Variants in NKAIN2 observed in about 807,000 individuals in gnomAD.
NKAIN2 encodes sodium/potassium transporting ATPase interacting 2, also known as sodium/potassium-transporting ATPase subunit beta-1-interacting protein 2.
In NKAIN2, 14 loss-of-function variants were observed where a neutral mutation model predicts 32.6. The ratio of observed to expected loss-of-function variants is 0.43; its 90% confidence interval spans 0.28 to 0.67. NKAIN2 has a LOEUF of 0.67. Among genes scored for constraint, NKAIN2 ranks in the 30% least tolerant of loss-of-function variants. NKAIN2 has a pLI of 0.17. For missense variants in NKAIN2, 198 were observed against 258.3 expected (o/e 0.77, Z 1.60); for synonymous variants, 80 against 87.2 (o/e 0.92, Z 0.46).
chr6:124,575,762 CT>C (rs1781308448), intron 3 of NKAIN2, among the ~76,000 whole-genome samples: 1 of 152,146 alleles, frequency 6.6e-6, no homozygotes, highest in Non-Finnish European at 1.5e-5. Flanking sequence ...GTTTTGAAAG[CT>C]AGTACTGCTT....
Position 124,341,791 on chromosome 6 carries a change from T to A in NKAIN2, c.193-13476T>A, listed in dbSNP as rs1422319838. On this transcript the variant is annotated intron_variant, in intron 2 of 6. Transcript: ENST00000368417. Reference sequence around the variant, plus strand: ...TAGTGTGTTTTTATGTAGGTGTTTTTCTTAAGGGACAGGTTTATATAGGTT... The same window carrying A: ...TAGTGTGTTTTTATGTAGGTGTTTTACTTAAGGGACAGGTTTATATAGGTT... 2.0e-5 allele frequency among the ~76,000 whole-genome samples: 3 copies of A among 152,200 alleles called. No individual in the cohort carries two copies. In the East Asian group the frequency reaches 5.8e-4, roughly 29 times the overall value.
intron 1 of NKAIN2, among the ~76,000 whole-genome samples, chr6:124,064,784 A>C (rs1368731741): frequency 6.6e-6 from 1 of 152,090 alleles, no homozygotes; most frequent in Non-Finnish European, 1.5e-5. Flanking sequence ...CTAGGAAGAA[A>C]AATACTCTTT....
intron 1 of NKAIN2, chr6:124,121,877 G>T: frequency 8.3e-7 from 1 of 1,204,370 alleles, no homozygotes; most frequent in Non-Finnish European, 1.1e-6. Context: ...TATATTTACA[G>T]GTACTGAAGA....
At chr6:124,187,560 A>G (rs151109835) in intron 1 of NKAIN2, among the ~76,000 whole-genome samples, 24 of 152,274 alleles carry the variant, frequency 1.6e-4, no homozygotes, top group African/African-American at 5.5e-4. Flanking sequence ...AGAATTTCCG[A>G]AGGTAGGGCA....
intron 4 of NKAIN2, among the ~76,000 whole-genome samples, chr6:124,788,437 A>T (rs1042308248): frequency 6.6e-5 from 10 of 152,116 alleles, no homozygotes; most frequent in Non-Finnish European, 1.3e-4. Context: ...CTGCTAATAA[A>T]GACATACCCG....
intron 3 of NKAIN2, among the ~76,000 whole-genome samples, chr6:124,401,718 G>A (rs1034715533): frequency 1.3e-5 from 2 of 151,900 alleles, no homozygotes; most frequent in South Asian, 4.2e-4. Flanking sequence ...TGGCCATTTG[G>A]ATATCTTCAT....
At chr6:124,367,076 C>T (rs1350657909) in intron 3 of NKAIN2, among the ~76,000 whole-genome samples, 2 of 152,064 alleles carry the variant, frequency 1.3e-5, no homozygotes, top group Non-Finnish European at 1.5e-5. Flanking sequence ...TGCTAAAAGA[C>T]CACACATCAT....
At chr6:124,438,910 G>T (rs915132433) in intron 3 of NKAIN2, among the ~76,000 whole-genome samples, 3 of 152,056 alleles carry the variant, frequency 2.0e-5, no homozygotes, top group African/African-American at 7.2e-5. Context: ...CGACCCAGCT[G>T]CTAAATCGTG....
At chr6:124,786,039 A>G (rs1287463902) in intron 4 of NKAIN2, among the ~76,000 whole-genome samples, 1 of 152,068 alleles carries the variant, frequency 6.6e-6, no homozygotes, top group South Asian at 2.1e-4. Flanking sequence ...ACAAAGAGGT[A>G]CTATCACTGT....
At chr6:123,823,262 A>C (rs1774000346) in intron 1 of NKAIN2, 1 of 152,220 alleles carries the variant, frequency 6.6e-6, no homozygotes, top group Non-Finnish European at 1.5e-5. Flanking sequence ...GGAGACAAAG[A>C]ATTGGAAACT....
At chr6:123,819,067 T>A (rs759689516) in intron 1 of NKAIN2, among the ~76,000 whole-genome samples, 3 of 152,156 alleles carry the variant, frequency 2.0e-5, no homozygotes, top group Non-Finnish European at 4.4e-5. Flanking sequence ...GGTGTTAACT[T>A]CGTCAGGTGT....
chr6:124,603,952 C>T (rs1782404107), intron 3 of NKAIN2, among the ~76,000 whole-genome samples: 1 of 152,050 alleles, frequency 6.6e-6, no homozygotes, highest in Non-Finnish European at 1.5e-5. Flanking sequence ...CTTCTCAAGA[C>T]TGTCTCAGCT....
intron 1 of NKAIN2, among the ~76,000 whole-genome samples, chr6:124,162,251 A>G (rs11963390): frequency 5.3e-5 from 8 of 152,048 alleles, no homozygotes; most frequent in African/African-American, 1.9e-4. Context: ...ACCAACACAC[A>G]TAGTATGCGC....
intron 1 of NKAIN2, among the ~76,000 whole-genome samples, chr6:123,867,374 C>T (rs1030775726): frequency 1.2e-4 from 18 of 152,040 alleles, no homozygotes; most frequent in Non-Finnish European, 2.6e-4. Context: ...CTTTTATTAG[C>T]CTTAAGAAAG....
chr6:124,578,569 G>A (rs933614059), intron 3 of NKAIN2, among the ~76,000 whole-genome samples: 2 of 152,182 alleles, frequency 1.3e-5, no homozygotes, highest in Middle Eastern at 3.4e-3. Flanking sequence ...TAGAGCAACA[G>A]GTAGATTTCT....
intron 3 of NKAIN2, among the ~76,000 whole-genome samples, chr6:124,451,553 T>A (rs1317129004): frequency 6.6e-6 from 1 of 152,076 alleles, no homozygotes; most frequent in Non-Finnish European, 1.5e-5. Context: ...AGGGTGCTCA[T>A]AAAAGAGGAT....
chr6:124,373,543 C>T (rs921825360), intron 3 of NKAIN2, among the ~76,000 whole-genome samples: 2 of 152,064 alleles, frequency 1.3e-5, no homozygotes, highest in Non-Finnish European at 2.9e-5. Flanking sequence ...AATGAGATTT[C>T]TTAGGGGAGA....
chr6:124,301,433 C>A (rs143592914), intron 2 of NKAIN2, among the ~76,000 whole-genome samples: 1,789 of 152,268 alleles, frequency 0.012, 36 homozygotes, highest in African/African-American at 0.04. Context: ...CCTACATTGT[C>A]CCCACTGGGG....
intron 4 of NKAIN2, among the ~76,000 whole-genome samples, chr6:124,683,881 T>A (rs1000738665): frequency 3.3e-5 from 5 of 152,140 alleles, no homozygotes; most frequent in Non-Finnish European, 7.4e-5. Flanking sequence ...ATTCAGCATA[T>A]TGTGGAAAGT....
Sources: allele counts gnomAD v4.1 joint callset (sites outside exome capture counted in the v4.1 genomes callset), GRCh38; gene constraint gnomAD v4.1.1; transcripts MANE v1.5; gene names NCBI Gene and HGNC (gene_info 2026-07-23, HGNC 2026-07-21).